MIDEAS: variants seen among roughly 807,000 people sequenced by gnomAD.
MIDEAS encodes mitotic deacetylase-associated SANT domain protein.
In MIDEAS, 26 loss-of-function variants were observed where a neutral mutation model predicts 102.7. That is an observed-to-expected ratio of 0.25 (90% CI 0.19 to 0.35). The LOEUF is 0.35. MIDEAS is among the 10% of genes least tolerant of loss of function. The probability of loss-of-function intolerance (pLI) is 1.00; values close to 1 mark genes in which losing one functional copy is unlikely to be tolerated. For synonymous variants in MIDEAS, 585 were observed against 591.0 expected (o/e 0.99, Z 0.15); for missense variants, 1,231 against 1,435.6 (o/e 0.86, Z 2.30).
Position 73,779,252 on chromosome 14 carries a change from G to A in MIDEAS, c.-248+7850C>T, listed in dbSNP as rs549022729. 1.3e-4 allele frequency among the ~76,000 whole-genome samples: 19 copies of A among 151,498 alleles called. 1 individual carries two copies. The East Asian group carries it at 3.4e-3, about 27-fold the overall frequency. On this transcript the variant is annotated intron_variant, in intron 1 of 11. Coordinates refer to the MIDEAS transcript ENST00000394071. ...AAATAAAACAATTAAAAAATTAGCC[G>A]GGTGTGGTGGCGGGTGCCTGTAGTC...
intron 2 of MIDEAS, 24 bp from the exon 3 acceptor site, chr14:73,737,321 G>A (rs1442272234): frequency 2.5e-6 from 4 of 1,595,222 alleles, no homozygotes; most frequent in Non-Finnish European, 3.4e-6. Flanking sequence ...GAACAGAAGT[G>A]CAATTTAAAA....
Position 73,721,529 on chromosome 14 carries a change from G to C in MIDEAS, c.2725-20C>G. 5 of 1,609,272 alleles carry C rather than the reference G, an allele frequency of 3.1e-6. No homozygotes were observed. The highest frequency in any genetic ancestry group is 4.3e-6 in the Non-Finnish European group (5 of 1,175,860). On this transcript the variant is annotated intron_variant, in intron 10 of 12. Transcript: ENST00000423556. ...GGAAGTCTATGGGGAACAAGAACAA[G>C]GGCAGTGAGCCTAGAGCTCTGTCTC...
In MIDEAS at chr14:73,737,201, C is replaced by G; in HGVS notation, c.1546G>C (p.Ala516Pro). ...GGTACCATCCCACTGTCTTCTCGTG[C>G]TCGCTTGGTGGCTAAGGAAGGCTCA... is the stretch of plus-strand genomic sequence containing the variant. ...FSEPSLATKR[A>P]REDSGMVPLI... Residue 516 changes from alanine to proline, a missense_variant, in exon 3 of 13, where the codon GCA (alanine) becomes CCA (proline). This residue lies in a region of MIDEAS where 758 missense variants were observed against 856.0 expected (regional missense o/e 0.89). Transcript: ENST00000423556. 6.2e-7 allele frequency: 1 copy of G among 1,614,170 alleles called. No individual in the cohort carries two copies.
intron 1 of MIDEAS, among the ~76,000 whole-genome samples, chr14:73,756,538 G>A (rs1408294062): frequency 6.6e-6 from 1 of 152,190 alleles, no homozygotes; most frequent in Non-Finnish European, 1.5e-5. Context: ...GAGTTCTCAT[G>A]TGCAGAAAGA....
intron 1 of MIDEAS, among the ~76,000 whole-genome samples, chr14:73,749,419 C>A (rs1403681323): frequency 1.3e-5 from 2 of 150,950 alleles, no homozygotes; most frequent in Non-Finnish European, 3.0e-5. Context: ...CACTATAGTC[C>A]CAGCTACTCA....
At chr14:73,769,902 G>GTTT (rs796246766) in intron 1 of MIDEAS, among the ~76,000 whole-genome samples, 4 of 109,806 alleles carry the variant, frequency 3.6e-5, no homozygotes, top group Admixed American at 9.4e-5. Flanking sequence ...GCCCGGCTGG[G>GTTT]TTTTTTTTTT....
chr14:73,777,072 A>T lies in MIDEAS; in HGVS notation c.-248+10030T>A, dbSNP rs573348973. On this transcript the variant is annotated intron_variant, in intron 1 of 11. Coordinates refer to the MIDEAS transcript ENST00000394071. The stretch of plus-strand genomic sequence containing the variant: ...GCAACAGAGCAAGACTGTCTCAAAA[A>T]AAATAAATAAATAAATAAATAAAAG... 3.0e-3 allele frequency among the ~76,000 whole-genome samples: 458 copies of T among 151,762 alleles called. 10 individuals carry two copies. Among genetic ancestry groups the T allele is most frequent in the Middle Eastern group, 0.01 (3 of 294 alleles).
chr14:73,772,482 C>T (rs1197849925), intron 1 of MIDEAS, among the ~76,000 whole-genome samples: 1 of 152,172 alleles, frequency 6.6e-6, no homozygotes. Context: ...CAAGAAACAA[C>T]ATTATCTTCA....
At chr14:73,735,142 T>C (rs541191399) in intron 3 of MIDEAS, among the ~76,000 whole-genome samples, 3 of 152,274 alleles carry the variant, frequency 2.0e-5, no homozygotes, top group African/African-American at 7.2e-5. Flanking sequence ...AAACGAAATA[T>C]AATTTCAGTT....
chr14:73,719,069 G>A, intron 12 of MIDEAS, 61 bp from the exon 13 acceptor site: 1 of 1,447,492 alleles, frequency 6.9e-7, no homozygotes, highest in Non-Finnish European at 9.0e-7. Flanking sequence ...CCCAGCGCGG[G>A]TGCGCGAGGA....
chr14:73,782,123 T>A (rs1279440825), intron 1 of MIDEAS, among the ~76,000 whole-genome samples: 1 of 152,170 alleles, frequency 6.6e-6, no homozygotes. Flanking sequence ...TTTTATAGTA[T>A]GTGAATTATT....
upstream of MIDEAS, among the ~76,000 whole-genome samples, chr14:73,763,149 C>T (rs577079549): frequency 7.2e-5 from 11 of 152,194 alleles, no homozygotes; most frequent in Middle Eastern, 3.4e-3. Context: ...CCAGCCTAGG[C>T]AACGTGGCAA....
chr14:73,778,146 G>C (rs1324020486), intron 1 of MIDEAS, among the ~76,000 whole-genome samples: 3 of 151,900 alleles, frequency 2.0e-5, no homozygotes, highest in African/African-American at 7.2e-5. Flanking sequence ...CCTGAGGTCA[G>C]GAGTTCAGGA....
chr14:73,720,158 G>A (rs1360497096), intron 11 of MIDEAS, among the ~76,000 whole-genome samples: 1 of 151,956 alleles, frequency 6.6e-6, no homozygotes, highest in Non-Finnish European at 1.5e-5. Context: ...GCAGGTGGTC[G>A]AGGCTCAGAA....
chr14:73,757,279 C>CAAAAAAAAATAAA (rs2053495335), intron 1 of MIDEAS, among the ~76,000 whole-genome samples: 1 of 67,718 alleles, frequency 1.5e-5, no homozygotes, highest in African/African-American at 8.3e-5. Context: ...CTCTAACAAC[C>CAAAAAAAAATAAA]AAAAAAAAAA....
chr14:73,723,147 T>C (rs542764467), intron 9 of MIDEAS: 1 of 191,136 alleles, frequency 5.2e-6, no homozygotes, highest in African/African-American at 2.4e-5. Context: ...TACTGTATTT[T>C]TTTTTCTTTT....
chr14:73,730,254 T>C, intron 3 of MIDEAS: 1 of 614,070 alleles, frequency 1.6e-6, no homozygotes, highest in South Asian at 1.7e-5. Context: ...TCCTCTTCTT[T>C]CCCTTTTTCT....
Position 73,771,368 on chromosome 14 carries a change from C to T in MIDEAS, c.-248+15734G>A, listed in dbSNP as rs544729538. On this transcript the variant is annotated intron_variant, in intron 1 of 11. Coordinates refer to the MIDEAS transcript ENST00000394071. ...GGCTCCAACCTGCGAACTCAAGGTA[C>T]GCCGGGGGCTCTCCAGCTGCCACCC... Among the ~76,000 whole-genome samples, 157 of 152,304 alleles carry T rather than the reference C, an allele frequency of 1.0e-3. 1 individual carries two copies. Among genetic ancestry groups the T allele is most frequent in the Admixed American group, 1.9e-3 (29 of 15,300 alleles).
upstream of MIDEAS, among the ~76,000 whole-genome samples, chr14:73,762,597 C>T (rs1423717265): frequency 1.3e-5 from 2 of 152,218 alleles, no homozygotes; most frequent in Non-Finnish European, 2.9e-5. Context: ...AAGAAAGCTG[C>T]AGCGCTTCCG....
Sources: gnomAD v4.1 joint callset for allele counts (sites outside exome capture counted in the v4.1 genomes callset) on GRCh38, gnomAD v4.1.1 for gene constraint, gnomAD v4.1.1 regional missense constraint, MANE v1.5 for transcripts, NCBI Gene and HGNC (gene_info 2026-07-23, HGNC 2026-07-21) for gene names.